Variants in SLC60A2 observed in about 807,000 individuals in gnomAD.
The protein encoded by SLC60A2 is solute carrier family 60 member 2, also known as major facilitator superfamily domain containing 4B.
the SLC60A2 span, chr6:111,266,124 G>T: frequency 1.2e-6 from 2 of 1,614,020 alleles, no homozygotes; most frequent in African/African-American, 1.3e-5. Flanking sequence ...GGCTTATGCT[G>T]TTATCGGTAC....
At chr6:111,273,831 T>C in the SLC60A2 span, among the ~76,000 whole-genome samples, 1 of 152,178 alleles carries the variant, frequency 6.6e-6, no homozygotes, top group Non-Finnish European at 1.5e-5. Flanking sequence ...GCTCAAGTGA[T>C]TCTCTTGCTT....
At chr6:111,275,058 G>C in the SLC60A2 span, among the ~76,000 whole-genome samples, 1 of 150,060 alleles carries the variant, frequency 6.7e-6, no homozygotes, top group Non-Finnish European at 1.5e-5. Flanking sequence ...GAGTAGCTGG[G>C]ACTACAGTTG....
At chr6:111,279,964 T>C in the SLC60A2 span, among the ~76,000 whole-genome samples, 3 of 152,224 alleles carry the variant, frequency 2.0e-5, no homozygotes, top group African/African-American at 4.8e-5. Flanking sequence ...CATAGCTTTG[T>C]ACCATATAAA....
At chr6:111,266,911 A>G in the SLC60A2 span, 1 of 1,614,120 alleles carries the variant, frequency 6.2e-7, no homozygotes, top group Non-Finnish European at 8.5e-7. Context: ...GAAAAATGGA[A>G]TGAAATGGAT....
At chr6:111,264,834 C>T in the SLC60A2 span, among the ~76,000 whole-genome samples, 2 of 151,382 alleles carry the variant, frequency 1.3e-5, no homozygotes, top group South Asian at 4.2e-4. Context: ...TGGCTTACGC[C>T]TATAATCCTA....
the SLC60A2 span, chr6:111,262,131 C>G: frequency 1.5e-6 from 1 of 668,774 alleles, no homozygotes; most frequent in Non-Finnish European, 2.4e-6. Context: ...TAGTCTAATT[C>G]CCTACATTAC....
the SLC60A2 span, among the ~76,000 whole-genome samples, chr6:111,264,170 T>A: frequency 6.6e-6 from 1 of 152,192 alleles, no homozygotes; most frequent in Non-Finnish European, 1.5e-5. Context: ...AATTTTGTTC[T>A]ATGAGAGATA....
At chr6:111,261,794 G>C in the SLC60A2 span, among the ~76,000 whole-genome samples, 1 of 151,996 alleles carries the variant, frequency 6.6e-6, no homozygotes, top group Non-Finnish European at 1.5e-5. Context: ...GGGTTTCACT[G>C]TGTTGGCCAC....
chr6:111,265,927 T>C, the SLC60A2 span: 6 of 1,614,156 alleles, frequency 3.7e-6, no homozygotes, highest in Non-Finnish European at 5.1e-6. Flanking sequence ...GCCCCACATA[T>C]GCAGGCCTTA....
At chr6:111,263,899 C>A in the SLC60A2 span, 1 of 1,611,384 alleles carries the variant, frequency 6.2e-7, no homozygotes, top group East Asian at 2.2e-5. Context: ...ATATTACTCA[C>A]TGTCATGATG....
At chr6:111,267,073 A>G in the SLC60A2 span, 1 of 1,613,426 alleles carries the variant, frequency 6.2e-7, no homozygotes, top group Non-Finnish European at 8.5e-7. Context: ...GGCAGTGCCC[A>G]TGTGAAGCAC....
the SLC60A2 span, chr6:111,265,783 A>G: frequency 1.0e-6 from 1 of 992,290 alleles, no homozygotes; most frequent in Non-Finnish European, 1.5e-6. Flanking sequence ...GCTATGTAAA[A>G]TAGACTCACC....
chr6:111,261,363 A>G, the SLC60A2 span, among the ~76,000 whole-genome samples: 1 of 152,192 alleles, frequency 6.6e-6, no homozygotes, highest in African/African-American at 2.4e-5. Context: ...GTCAGAACTC[A>G]CTACAGTCTC....
chr6:111,259,476 G>T, the SLC60A2 span: 1 of 477,942 alleles, frequency 2.1e-6, no homozygotes, highest in African/African-American at 2.0e-5. Context: ...GCTCTTCTCG[G>T]AGCTCCAGAA....
At chr6:111,260,929 C>G in the SLC60A2 span, among the ~76,000 whole-genome samples, 4 of 152,152 alleles carry the variant, frequency 2.6e-5, no homozygotes, top group African/African-American at 4.8e-5. Context: ...TGGACTGTTA[C>G]GAGTTGGGCA....
chr6:111,266,250 C>G, the SLC60A2 span: 1 of 1,614,188 alleles, frequency 6.2e-7, no homozygotes, highest in East Asian at 2.2e-5. Context: ...TCACAACGCC[C>G]TTCTTTGTCT....
chr6:111,278,256 G>A, the SLC60A2 span: 1 of 152,172 alleles, frequency 6.6e-6, no homozygotes, highest in East Asian at 1.9e-4. Flanking sequence ...TGTAATTATT[G>A]TATTCATAAA....
the SLC60A2 span, chr6:111,265,772 T>G: frequency 1.3e-4 from 108 of 847,150 alleles, 1 homozygote; most frequent in Non-Finnish European, 1.5e-4. Flanking sequence ...ATAATGCTTG[T>G]GCTATGTAAA....
At chr6:111,264,896 C>A in the SLC60A2 span, among the ~76,000 whole-genome samples, 47 of 151,738 alleles carry the variant, frequency 3.1e-4, 1 homozygote, top group Non-Finnish European at 5.1e-4. Flanking sequence ...GAGTTCAAGA[C>A]CAGCCTGACC....
Sources: allele counts gnomAD v4.1 joint callset (sites outside exome capture counted in the v4.1 genomes callset), GRCh38; gene constraint gnomAD v4.1.1; transcripts MANE v1.5; gene names NCBI Gene and HGNC (gene_info 2026-07-23, HGNC 2026-07-21).